Variants in CPLANE1 observed in about 807,000 individuals in gnomAD.
CPLANE1 encodes ciliogenesis and planar polarity effector complex subunit 1, also known as ciliogenesis and planar polarity effector 1.
CPLANE1 carries 263 observed loss-of-function variants against 362.5 expected under a neutral mutation model. The observed-to-expected ratio is 0.73, with a 90% CI of 0.66 to 0.80. The LOEUF (loss-of-function observed/expected upper bound fraction) is 0.80, where lower values mean the gene tolerates loss of function less well. CPLANE1 is among the 30% of genes least tolerant of loss of function. The probability of loss-of-function intolerance (pLI) is 0.00; values close to 1 mark genes in which losing one functional copy is unlikely to be tolerated. For synonymous variants in CPLANE1, 1,212 were observed against 1,302.6 expected (o/e 0.93, Z 1.50); for missense variants, 3,461 against 3,793.4 (o/e 0.91, Z 2.30).
At chr5:37,125,604 T>C (rs1763922005) in intron 46 of CPLANE1, among the ~76,000 whole-genome samples, 195 bp from the exon 47 acceptor site, 1 of 152,224 alleles carries the variant, frequency 6.6e-6, no homozygotes, top group African/African-American at 2.4e-5. Flanking sequence ...AGCTAACAAC[T>C]TCTTTATAAC....
chr5:37,145,793 A>G (rs1368953325), intron 43 of CPLANE1, among the ~76,000 whole-genome samples: 2 of 152,234 alleles, frequency 1.3e-5, no homozygotes, highest in Non-Finnish European at 2.9e-5. Context: ...ATAAGATATT[A>G]GAAATAAGCA....
At chr5:37,212,052 A>G in intron 16 of CPLANE1, 1 of 904,620 alleles carries the variant, frequency 1.1e-6, no homozygotes, top group East Asian at 2.4e-5. Context: ...GAGAGAAGAA[A>G]GAAGGCAGAG....
At chr5:37,125,945 T>G (rs1764011177) in intron 46 of CPLANE1, among the ~76,000 whole-genome samples, 1 of 152,176 alleles carries the variant, frequency 6.6e-6, no homozygotes, top group African/African-American at 2.4e-5. Flanking sequence ...CTTTCAAAAC[T>G]TCTAATACAG....
chr5:37,210,436 A>G (rs1792261876), intron 16 of CPLANE1: 1 of 1,025,960 alleles, frequency 9.7e-7, no homozygotes, highest in Non-Finnish European at 1.5e-6. Flanking sequence ...CTTGAACTAA[A>G]GGACGACTAC....
intron 38 of CPLANE1, among the ~76,000 whole-genome samples, chr5:37,158,592 A>G (rs1285120444): frequency 1.3e-5 from 2 of 152,222 alleles, no homozygotes; most frequent in Non-Finnish European, 2.9e-5. Flanking sequence ...AGAACAATAA[A>G]GTAACTAAAT....
intron 43 of CPLANE1, among the ~76,000 whole-genome samples, chr5:37,146,750 G>A (rs1362042893): frequency 6.6e-6 from 1 of 152,058 alleles, no homozygotes; most frequent in African/African-American, 2.4e-5. Context: ...ATTAAAGTTT[G>A]TTGTTGAGTA....
intron 42 of CPLANE1, among the ~76,000 whole-genome samples, chr5:37,150,823 C>T (rs956119512): frequency 9.9e-5 from 15 of 152,148 alleles, no homozygotes; most frequent in African/African-American, 3.6e-4. Flanking sequence ...GATTCCAGGG[C>T]TCTAACCAGA....
At position 37,205,289 on chromosome 5, in the gene CPLANE1, A is replaced by G. The variant is rs761856490; in HGVS notation, c.3289+26T>C. On this transcript the variant is annotated intron_variant, in intron 18 of 52. Transcript: ENST00000651892. ...ATAAGGTTTATATTAATCTGACACG[A>G]ATCAGACTATACATACATAACACAC... 24 of 1,514,508 alleles carry G rather than the reference A, an allele frequency of 1.6e-5. No homozygotes were observed. In the South Asian group the frequency reaches 3.0e-4, roughly 19 times the overall value. The allele number at this position is 1,514,508 out of a possible 1,614,324, so 93.8% of individuals were successfully genotyped here. A position where few individuals can be genotyped will look rare whatever the true frequency, so the allele number is the denominator to read the frequency against.
intron 31 of CPLANE1, among the ~76,000 whole-genome samples, chr5:37,174,222 A>G (rs1051664230): frequency 1.3e-5 from 2 of 152,176 alleles, no homozygotes; most frequent in African/African-American, 4.8e-5. Context: ...GAGCTGACAT[A>G]TATTTTACTT....
chr5:37,090,194 G>A, the CPLANE1 span, among the ~76,000 whole-genome samples: 6 of 152,150 alleles, frequency 3.9e-5, no homozygotes, highest in East Asian at 3.9e-4. Flanking sequence ...AGAACAAGCC[G>A]TCTCTCAGGG....
chr5:37,117,769 C>A (rs901957919), intron 50 of CPLANE1, among the ~76,000 whole-genome samples: 1 of 152,198 alleles, frequency 6.6e-6, no homozygotes, highest in African/African-American at 2.4e-5. Context: ...GTAGCAGGAG[C>A]ACCTCCTCAA....
chr5:37,219,440 A>T (rs1374915387), intron 15 of CPLANE1, among the ~76,000 whole-genome samples: 1 of 152,118 alleles, frequency 6.6e-6, no homozygotes, highest in Non-Finnish European at 1.5e-5. Flanking sequence ...AGGCAGGAGA[A>T]TCGCTTGAAC....
At chr5:37,075,769 G>A in the CPLANE1 span, among the ~76,000 whole-genome samples, 1 of 152,144 alleles carries the variant, frequency 6.6e-6, no homozygotes, top group Non-Finnish European at 1.5e-5. Flanking sequence ...CTTCTTCCCG[G>A]AATCTAGACC....
intron 1 of CPLANE1, among the ~76,000 whole-genome samples, chr5:37,248,086 G>A (rs1263948209): frequency 1.3e-5 from 2 of 151,720 alleles, no homozygotes; most frequent in East Asian, 3.9e-4. Context: ...CACTGCGCAT[G>A]GACCACTGAA....
intron 21 of CPLANE1, among the ~76,000 whole-genome samples, chr5:37,190,838 C>A (rs1428512535): frequency 6.6e-6 from 1 of 152,124 alleles, no homozygotes; most frequent in Non-Finnish European, 1.5e-5. Context: ...TGTAAACACA[C>A]CTACTGCACT....
At chr5:37,214,840 G>T (rs891250403) in intron 15 of CPLANE1, among the ~76,000 whole-genome samples, 2 of 152,156 alleles carry the variant, frequency 1.3e-5, no homozygotes, top group Non-Finnish European at 2.9e-5. Flanking sequence ...CCTACAGGAA[G>T]TGCCACCAGA....
intron 50 of CPLANE1, 42 bp downstream of exon 50, chr5:37,120,174 A>C (rs1762236209): frequency 6.4e-7 from 1 of 1,569,482 alleles, no homozygotes; most frequent in Non-Finnish European, 8.6e-7. Flanking sequence ...AAGAAGGAAT[A>C]GGTCCAAATC....
chr5:37,244,531 T>A lies in CPLANE1; in HGVS notation c.414A>T (p.Ile138=). The A allele has an allele frequency of 6.4e-7, 1 of 1,551,714 alleles. No individual in the cohort carries two copies. The highest frequency in any genetic ancestry group is 8.7e-7 in the Non-Finnish European group (1 of 1,147,004). The change falls in exon 5 of 53, where the codon ATA becomes ATT. Residue 138 remains isoleucine, a synonymous_variant. Transcript: ENST00000651892. The part of the protein sequence containing the change: ...RIVLITPSGC[I]FLWEYLELKN... ...TTAATTCCAAATATTCCCAAAGAAATATGCATCCAGAAGGTGTTATGAGCA... is the reference window on the plus strand; with the variant it reads ...TTAATTCCAAATATTCCCAAAGAAAAATGCATCCAGAAGGTGTTATGAGCA...
chr5:37,165,746 G>A, intron 35 of CPLANE1, 75 bp from the exon 36 acceptor site: 1 of 1,349,860 alleles, frequency 7.4e-7, no homozygotes, highest in African/African-American at 1.5e-5. Flanking sequence ...ATGCTATATA[G>A]GGATACAGTT....
Sources: gnomAD v4.1 joint callset for allele counts (sites outside exome capture counted in the v4.1 genomes callset) on GRCh38, gnomAD v4.1.1 for gene constraint, MANE v1.5 for transcripts, NCBI Gene and HGNC (gene_info 2026-07-23, HGNC 2026-07-21) for gene names.